FBXO31: variants seen among roughly 807,000 people sequenced by gnomAD.
FBXO31 encodes the protein F-box only protein 31.
Under a neutral mutation model 54.4 loss-of-function variants are expected in FBXO31, and 24 were observed. That is an observed-to-expected ratio of 0.44 (90% CI 0.32 to 0.62). FBXO31 has a LOEUF of 0.62. Among genes scored for constraint, FBXO31 ranks in the 20% least tolerant of loss-of-function variants. FBXO31 has a pLI of 0.05. For missense variants in FBXO31, 665 were observed against 787.1 expected, an observed-to-expected ratio of 0.84 and a Z score of 1.86; for synonymous variants, 388 against 335.6, an observed-to-expected ratio of 1.16 and a Z score of -1.71.
chr16:87,365,037 A>ATCTATC (rs1906304865), intron 1 of FBXO31, among the ~76,000 whole-genome samples: 5 of 106,872 alleles, frequency 4.7e-5, no homozygotes, highest in African/African-American at 1.8e-4. Context: ...ATATATATAT[A>ATCTATC]TATCAGGCAG....
rs763706020 is a variant in FBXO31, at chr16:87,343,716, G to T, written c.539C>A (p.Pro180His). 1.9e-6 allele frequency: 3 copies of T among 1,614,258 alleles called. No homozygotes were observed. Among genetic ancestry groups the T allele is most frequent in the African/African-American group, 1.3e-5 (1 of 75,078 alleles). ...GAATCTCATAGGGTCATCGACGTGG[G>T]GGTCATGGGGAGGCAGGTACATCCA... is the stretch of plus-strand genomic sequence containing the variant. ...IGWMYLPPHDPHVDDPMRFKP... is the reference protein window; with the variant it reads ...IGWMYLPPHDHHVDDPMRFKP... The change falls in exon 4 of 9, where the codon CCC (proline) becomes CAC (histidine). Residue 180 changes from proline (P) to histidine (H), a missense_variant. By Grantham distance (77) the Pro-to-His change is moderately conservative (BLOSUM62 -2). Around this residue, in one of 4 missense-constraint regions of FBXO31, gnomAD observed 234 missense variants for 346.8 expected, o/e 0.67. Transcript: ENST00000311635.
intron 1 of FBXO31, among the ~76,000 whole-genome samples, chr16:87,372,406 C>T (rs1906641328): frequency 6.6e-6 from 1 of 152,168 alleles, no homozygotes. Context: ...TGAGACCCCA[C>T]TGTATGTCAG....
chr16:87,334,786 G>A (rs575415805), intron 7 of FBXO31, among the ~76,000 whole-genome samples: 99 of 152,328 alleles, frequency 6.5e-4, no homozygotes, highest in African/African-American at 2.2e-3. Flanking sequence ...CAGGGCAGGC[G>A]GGCAGCATGT....
At chr16:87,351,914 C>T (rs148898452) in intron 2 of FBXO31, among the ~76,000 whole-genome samples, 9 of 152,190 alleles carry the variant, frequency 5.9e-5, no homozygotes, top group Admixed American at 1.3e-4. Flanking sequence ...CATGGAGAGA[C>T]GCTCTTCGTT....
At chr16:87,344,521 G>A (rs566889103) in intron 3 of FBXO31, among the ~76,000 whole-genome samples, 1 of 152,336 alleles carries the variant, frequency 6.6e-6, no homozygotes, top group Non-Finnish European at 1.5e-5. Context: ...GCCAGCTCCA[G>A]CAACCAAGGA....
intron 1 of FBXO31, among the ~76,000 whole-genome samples, chr16:87,369,832 C>A (rs918680967): frequency 3.3e-5 from 5 of 152,122 alleles, no homozygotes; most frequent in Non-Finnish European, 7.3e-5. Context: ...AGGCGACAGA[C>A]TGAGACTCCG....
upstream of FBXO31, among the ~76,000 whole-genome samples, chr16:87,385,230 G>A (rs1478191398): frequency 1.3e-5 from 2 of 152,264 alleles, no homozygotes; most frequent in Non-Finnish European, 2.9e-5. Context: ...AGGCCGAGGC[G>A]GGCAGATCAT....
chr16:87,351,189 C>T (rs1905638468), intron 2 of FBXO31, among the ~76,000 whole-genome samples: 1 of 152,226 alleles, frequency 6.6e-6, no homozygotes, highest in African/African-American at 2.4e-5. Context: ...CGAAGCATGG[C>T]TATCGCACAA....
intron 5 of FBXO31, among the ~76,000 whole-genome samples, chr16:87,342,370 G>A (rs567232331): frequency 4.6e-5 from 7 of 152,162 alleles, no homozygotes; most frequent in Admixed American, 1.3e-4. Context: ...AGAGTATTTT[G>A]AGAGGGCAGT....
chr16:87,375,474 G>A (rs1906783664), intron 1 of FBXO31, among the ~76,000 whole-genome samples: 1 of 152,042 alleles, frequency 6.6e-6, no homozygotes, highest in Non-Finnish European at 1.5e-5. Flanking sequence ...CTGGGCAACA[G>A]AGCAAGACTC....
intron 5 of FBXO31, among the ~76,000 whole-genome samples, chr16:87,342,460 C>G (rs974179016): frequency 1.3e-5 from 2 of 152,194 alleles, no homozygotes; most frequent in African/African-American, 4.8e-5. Flanking sequence ...GGCTTCCCCG[C>G]TGCACTGGCA....
upstream of FBXO31, among the ~76,000 whole-genome samples, chr16:87,384,922 C>G (rs947329538): frequency 6.6e-6 from 1 of 151,862 alleles, no homozygotes; most frequent in Non-Finnish European, 1.5e-5. Context: ...CGTCTGTAAT[C>G]CCAGCACTTT....
chr16:87,352,646 C>A (rs1371266810), intron 2 of FBXO31, among the ~76,000 whole-genome samples: 1 of 152,192 alleles, frequency 6.6e-6, no homozygotes, highest in African/African-American at 2.4e-5. Context: ...ATGGATGCTG[C>A]TGTCCAGGAC....
intron 2 of FBXO31, among the ~76,000 whole-genome samples, chr16:87,348,769 G>A (rs1367752078): frequency 2.0e-5 from 3 of 152,288 alleles, no homozygotes; most frequent in East Asian, 1.9e-4. Context: ...GCACTCACCC[G>A]GGACACCCAC....
At chr16:87,331,617 C>A in intron 8 of FBXO31, 107 bp from the exon 9 acceptor site, 1 of 929,888 alleles carries the variant, frequency 1.1e-6, no homozygotes, top group East Asian at 2.7e-5. Flanking sequence ...GCCACATCCA[C>A]TGTTCATCAG....
chr16:87,342,654 C>T (rs1270149156), intron 5 of FBXO31, among the ~76,000 whole-genome samples: 2 of 152,200 alleles, frequency 1.3e-5, no homozygotes, highest in Admixed American at 6.5e-5. Flanking sequence ...GTGGTTCGTT[C>T]GTTCTGCAGG....
chr16:87,373,193 T>C (rs1202374290), intron 1 of FBXO31, among the ~76,000 whole-genome samples: 2 of 151,080 alleles, frequency 1.3e-5, no homozygotes, highest in Admixed American at 6.6e-5. Flanking sequence ...GGCTCACGCC[T>C]GTAATCCCAG....
chr16:87,365,744 G>C (rs1007617558), intron 1 of FBXO31, among the ~76,000 whole-genome samples: 17 of 152,216 alleles, frequency 1.1e-4, no homozygotes, highest in African/African-American at 4.1e-4. Context: ...GAAAAACGCT[G>C]GGTGTAGGCC....
At chr16:87,384,984 G>A (rs993847173), upstream of FBXO31, among the ~76,000 whole-genome samples, 2 of 151,036 alleles carry the variant, frequency 1.3e-5, no homozygotes, top group African/African-American at 2.4e-5. Flanking sequence ...AGACCCGCCT[G>A]ACCAACATGG....
Sources: gnomAD v4.1 joint callset for allele counts (sites outside exome capture counted in the v4.1 genomes callset) on GRCh38, gnomAD v4.1.1 for gene constraint, gnomAD v4.1.1 regional missense constraint, MANE v1.5 for transcripts, NCBI Gene and HGNC (gene_info 2026-07-23, HGNC 2026-07-21) for gene names.